The following DISP1 variants were observed in gnomAD, a reference collection of about 807,000 sequenced individuals.
The protein encoded by DISP1 is dispatched RND transporter family member 1, also known as protein dispatched homolog 1.
A neutral mutation model predicts 37.3 loss-of-function variants in DISP1; 30 were observed. The ratio of observed to expected loss-of-function variants is 0.80; its 90% confidence interval spans 0.60 to 1.09. The LOEUF is 1.09. DISP1 is among the 50% of genes least tolerant of loss of function. The pLI is 0.00. For missense variants in DISP1, 1,598 were observed against 1,879.5 expected (o/e 0.85, Z 2.77); for synonymous variants, 634 against 690.2 (o/e 0.92, Z 1.28).
chr1:222,849,808 CAGTG>C (rs1461474053), intron 1 of DISP1, among the ~76,000 whole-genome samples: 25 of 152,076 alleles, frequency 1.6e-4, no homozygotes, highest in Non-Finnish European at 3.7e-4. Flanking sequence ...TTTTAGATCT[CAGTG>C]AGCATGTAAT....
At chr1:222,888,978 T>C (rs558097743) in intron 1 of DISP1, among the ~76,000 whole-genome samples, 5 of 152,260 alleles carry the variant, frequency 3.3e-5, no homozygotes, top group African/African-American at 1.2e-4. Flanking sequence ...ATATAATGTA[T>C]AGTGATCAAT....
intron 3 of DISP1, among the ~76,000 whole-genome samples, chr1:222,957,331 G>A (rs1393265532): frequency 1.3e-5 from 2 of 152,136 alleles, no homozygotes; most frequent in South Asian, 2.1e-4. Context: ...GCTCACGCCT[G>A]TAATCCCAGC....
In DISP1 at chr1:223,005,253, T is replaced by C. The variant is rs771521993; in HGVS notation, c.3856T>C (p.Ser1286Pro). 11 of 1,613,830 alleles carry C rather than the reference T, an allele frequency of 6.8e-6. No individual in the cohort carries two copies. The South Asian group carries it at 9.9e-5, about 14-fold the overall frequency. ...AYKHLNYGPH[S>P]CQQMGDCLCH... is the part of the protein sequence containing the mutation. The stretch of plus-strand genomic sequence containing the variant: ...CAAACACTTGAACTATGGCCCACAC[T>C]CTTGCCAGCAGATGGGGGACTGCTT... Residue 1286 changes from serine to proline, a missense_variant, in exon 9 of 9, where the codon TCT becomes CCT. By Grantham distance (74) the Ser-to-Pro change is moderately conservative (BLOSUM62 -1). Coordinates refer to ENST00000675850, the MANE Select transcript of DISP1 (RefSeq NM_001377229.1).
chr1:222,944,745 T>A (rs1009402287), intron 3 of DISP1, among the ~76,000 whole-genome samples: 2 of 152,232 alleles, frequency 1.3e-5, no homozygotes, highest in Admixed American at 1.3e-4. Context: ...CAGTATGCAC[T>A]CTTTCGTGTT....
At chr1:222,952,226 A>T (rs918635155) in intron 3 of DISP1, among the ~76,000 whole-genome samples, 9 of 152,198 alleles carry the variant, frequency 5.9e-5, no homozygotes, top group African/African-American at 2.2e-4. Flanking sequence ...AAAATTAAAA[A>T]TTTGGTTATT....
At chr1:222,945,808 G>C (rs1572584130) in intron 3 of DISP1, 1 of 152,156 alleles carries the variant, frequency 6.6e-6, no homozygotes, top group Non-Finnish European at 1.5e-5. Flanking sequence ...GTTATCTAAA[G>C]AGAAAGAATG....
chr1:222,847,374 C>T (rs916206904), intron 1 of DISP1, among the ~76,000 whole-genome samples: 1 of 152,154 alleles, frequency 6.6e-6, no homozygotes, highest in African/African-American at 2.4e-5. Flanking sequence ...AAACAAAGAT[C>T]TGAACACTGG....
chr1:222,966,711 A>G (rs756811444), intron 3 of DISP1, among the ~76,000 whole-genome samples: 24 of 152,196 alleles, frequency 1.6e-4, no homozygotes, highest in Non-Finnish European at 2.5e-4. Flanking sequence ...AGGTGCTGGG[A>G]AAAGTTGTAT....
intron 3 of DISP1, among the ~76,000 whole-genome samples, chr1:222,949,528 G>A (rs1470701673): frequency 6.6e-6 from 1 of 152,002 alleles, no homozygotes; most frequent in African/African-American, 2.4e-5. Context: ...AAAGCTTCAG[G>A]CTTTTATATT....
At chr1:222,961,189 TC>T (rs2102593315) in intron 3 of DISP1, among the ~76,000 whole-genome samples, 1 of 152,170 alleles carries the variant, frequency 6.6e-6, no homozygotes, top group Admixed American at 6.5e-5. Context: ...CAAGCCAATA[TC>T]CCTGATGAAC....
Position 222,943,130 on chromosome 1 carries a change from G to A in DISP1, c.307G>A (p.Glu103Lys), listed in dbSNP as rs2609383. 0.16 allele frequency: 252,855 copies of A among 1,613,312 alleles called. 21,708 individuals are homozygous for A. The highest frequency in any genetic ancestry group is 0.31 in the East Asian group (14,016 of 44,834). The stretch of plus-strand genomic sequence containing the variant: ...TAGCAGTCACCAAGAGTGCCATCCC[G>A]AGGCTGGCCCTGCAGCACCCTCTGC... ...SHSSHQECHP[E>K]AGPAAPSALA... Residue 103 changes from glutamate to lysine, a missense_variant, in exon 3 of 9, where the codon GAG (glutamate) becomes AAG (lysine). Physicochemically the swap from Glu to Lys is moderately conservative, Grantham distance 56. Coordinates refer to ENST00000675850, the MANE Select transcript of DISP1 (RefSeq NM_001377229.1).
chr1:222,920,343 A>C (rs1161918708), intron 1 of DISP1, among the ~76,000 whole-genome samples: 1 of 152,184 alleles, frequency 6.6e-6, no homozygotes, highest in African/African-American at 2.4e-5. Flanking sequence ...TGTATCACAA[A>C]CCAAAAATAT....
chr1:222,984,417 A>ATATATATATAT lies in DISP1; in HGVS notation c.539+1308_539+1309insTATATATATAT, dbSNP rs201043580. Among the ~76,000 whole-genome samples, 273 of 76,386 alleles carry ATATATATATAT rather than the reference A, an allele frequency of 3.6e-3. 1 individual carries two copies. Among genetic ancestry groups the ATATATATATAT allele is most frequent in the African/African-American group, 0.012 (240 of 20,494 alleles). The allele number at this position is 76,386 out of a possible 152,430, so 50.1% of individuals were successfully genotyped here. On this transcript the variant is annotated intron_variant, in intron 4 of 8. Coordinates refer to ENST00000675850, the MANE Select transcript of DISP1 (RefSeq NM_001377229.1). ...AGACTCTGTCTCAAAAAAAAAAAAAAAAAAATATATATATATATAGAGAGA... is the reference window on the plus strand; with the variant it reads ...AGACTCTGTCTCAAAAAAAAAAAAAATATATATATATAAAAATATATATATATATAGAGAGA...
Position 222,942,847 on chromosome 1 carries a change from T to G in DISP1, c.24T>G (p.Asn8Lys), listed in dbSNP as rs760420710. The G allele has an allele frequency of 6.2e-7, 1 of 1,614,158 alleles. No homozygotes were observed. The change falls in exon 3 of 9, where the codon AAT becomes AAG. Residue 8 changes from asparagine (N) to lysine (K), a missense_variant. By Grantham distance (94) the Asn-to-Lys change is moderately conservative. Transcript: ENST00000675850. The part of the protein sequence containing the change: MAMSNGN[N>K]DFVVLSNSSI... Reference sequence around the variant, plus strand: ...GCATGGCTATGAGCAATGGAAACAATGATTTTGTGGTTCTGAGCAACAGCA... The same window carrying G: ...GCATGGCTATGAGCAATGGAAACAAGGATTTTGTGGTTCTGAGCAACAGCA...
chr1:222,903,287 G>A (rs1296334241), intron 1 of DISP1, among the ~76,000 whole-genome samples: 17 of 127,110 alleles, frequency 1.3e-4, no homozygotes, highest in African/African-American at 3.8e-4. Flanking sequence ...ATCACACTCC[G>A]GGGACTGTTG....
intron 2 of DISP1, among the ~76,000 whole-genome samples, chr1:222,936,949 ACATAT>A (rs1673944137): frequency 1.1e-4 from 9 of 85,464 alleles, no homozygotes; most frequent in African/African-American, 1.3e-4. Flanking sequence ...ATTATATATT[ACATAT>A]TATATTATTT....
intron 8 of DISP1, among the ~76,000 whole-genome samples, chr1:222,999,674 T>C (rs1394990928): frequency 1.3e-5 from 2 of 152,218 alleles, no homozygotes; most frequent in Non-Finnish European, 2.9e-5. Context: ...CTTATGTAGA[T>C]GCTCAGTAAA....
At chr1:222,892,830 A>G (rs1270525637) in intron 1 of DISP1, among the ~76,000 whole-genome samples, 1 of 152,226 alleles carries the variant, frequency 6.6e-6, no homozygotes, top group Non-Finnish European at 1.5e-5. Context: ...AAATGAAGCA[A>G]AATGTGTTTG....
intron 2 of DISP1, among the ~76,000 whole-genome samples, chr1:222,941,145 C>G (rs1381167231): frequency 1.3e-5 from 2 of 152,178 alleles, no homozygotes; most frequent in African/African-American, 2.4e-5. Context: ...TTCTTGCCTC[C>G]TGGATCACAT....
Sources: allele counts gnomAD v4.1 joint callset (sites outside exome capture counted in the v4.1 genomes callset), GRCh38; gene constraint gnomAD v4.1.1; transcripts MANE v1.5; gene names NCBI Gene and HGNC (gene_info 2026-07-23, HGNC 2026-07-21).